Variants in TACC3 observed in about 807,000 individuals in gnomAD.
TACC3 encodes the protein transforming acidic coiled-coil containing protein 3, also known as transforming acidic coiled-coil-containing protein 3.
TACC3 carries 52 observed loss-of-function variants against 86.0 expected under a neutral mutation model. The ratio of observed to expected loss-of-function variants is 0.60; its 90% CI spans 0.48 to 0.76. TACC3 has a LOEUF of 0.76. Among genes scored for constraint, TACC3 ranks in the 30% least tolerant of loss-of-function variants. TACC3 has a pLI of 0.00. For synonymous variants in TACC3, 512 were observed against 430.0 expected, an observed-to-expected ratio of 1.19 and a Z score of -2.36; for missense variants, 1,120 against 1,070.4, an observed-to-expected ratio of 1.05 and a Z score of -0.65.
upstream of TACC3, chr4:1,720,690 G>A (rs1028150396): frequency 3.9e-6 from 6 of 1,552,560 alleles, no homozygotes; most frequent in African/African-American, 1.4e-5. The surrounding 1 kb of genome is among the most constrained non-coding windows in gnomAD (Gnocchi z 4.4). Context: ...AAGTGGAAGG[G>A]CACGAAGGCG....
At chr4:1,744,869 C>A (rs532644764) in intron 15 of TACC3, 37 bp downstream of exon 15, 5 of 1,612,660 alleles carry the variant, frequency 3.1e-6, no homozygotes, top group Admixed American at 1.7e-5. Context: ...GGCCGTCTGG[C>A]AGCACCTTCT....
rs1717723999 is a variant in TACC3 at position 1,727,079 on chromosome 4, C to T, written c.306-629C>T. Among the ~76,000 whole-genome samples, 5 of 151,364 alleles carry T rather than the reference C, an allele frequency of 3.3e-5. No homozygotes were observed. The South Asian group carries it at 8.3e-4, about 25-fold the overall frequency. On this transcript the variant is annotated intron_variant, in intron 3 of 15. Coordinates refer to ENST00000313288, the MANE Select transcript of TACC3 (RefSeq NM_006342.3). ...CCCAGAGGTGGAGGTTGCAGTGAGC[C>T]GAGATCATGCCATTACACTCCAGCC... is the stretch of plus-strand genomic sequence containing the variant.
chr4:1,740,640 T>C (rs887882773), intron 12 of TACC3, 186 bp from the exon 13 acceptor site: 1 of 573,062 alleles, frequency 1.7e-6, no homozygotes, highest in Non-Finnish European at 3.1e-6. Flanking sequence ...GAAACAGCTG[T>C]TTCCTGGGCT....
chr4:1,733,500 C>CTT (rs138425686), intron 6 of TACC3, among the ~76,000 whole-genome samples: 3 of 110,622 alleles, frequency 2.7e-5, no homozygotes, highest in Non-Finnish European at 3.8e-5. Context: ...CAAAAAAAAC[C>CTT]TTTTTTTTTA....
chr4:1,731,343 G>T, intron 6 of TACC3, 42 bp downstream of exon 6: 1 of 1,599,588 alleles, frequency 6.3e-7, no homozygotes, highest in Non-Finnish European at 8.5e-7. Flanking sequence ...TCTGCCCGGA[G>T]GGGATCCCGT....
At chr4:1,731,453 G>T in intron 6 of TACC3, 152 bp downstream of exon 6, 1 of 893,050 alleles carries the variant, frequency 1.1e-6, no homozygotes, top group Non-Finnish European at 1.7e-6. Context: ...CAAACTTGTG[G>T]TTTGTCAAAA....
Position 1,729,572 on chromosome 4 carries a change from C to T in TACC3, c.1385+785C>T, listed in dbSNP as rs535958988. On this transcript the variant is annotated intron_variant, in intron 4 of 15. Transcript: ENST00000313288. ...CAAGGCGGAGAGAGAGGACAGCTGA[C>T]GCCATTATTTTTTCTATGTATTTCA... Among the ~76,000 whole-genome samples, 359 of 152,250 alleles carry T rather than the reference C, an allele frequency of 2.4e-3. 6 individuals are homozygous for T. Among genetic ancestry groups the T allele is most frequent in the Non-Finnish European group, 6.8e-4 (46 of 68,028 alleles).
rs1455727630 is a variant in TACC3 at position 1,724,014 on chromosome 4, G to C, written c.305+144G>C. The C allele has an allele frequency of 6.6e-6, 6 of 908,680 alleles. No homozygotes were observed. In the African/African-American group the frequency reaches 8.3e-5, roughly 13 times the overall value. The allele number at this position is 908,680 out of a possible 1,614,324, so 56.3% of individuals were successfully genotyped here. A position where few individuals can be genotyped will look rare whatever the true frequency, so the allele number is the denominator to read the frequency against. ...GATGGAGTCTCGCTCTGTTGCCCAC[G>C]CTGGAGTGCAGTGGCGCGATGTCCG... On this transcript the variant is annotated intron_variant, in intron 3 of 15. Transcript: ENST00000313288.
At chr4:1,729,244 C>T (rs1717881693) in intron 4 of TACC3, among the ~76,000 whole-genome samples, 2 of 152,094 alleles carry the variant, frequency 1.3e-5, no homozygotes, top group Non-Finnish European at 2.9e-5. Context: ...TAGAGTTGCT[C>T]AGTGGGAGAT....
chr4:1,737,103 C>T (rs368730517), intron 8 of TACC3, 138 bp from the exon 9 acceptor site: 51 of 675,600 alleles, frequency 7.5e-5, no homozygotes, highest in East Asian at 1.3e-4. Flanking sequence ...TGCGGGTCTG[C>T]GTTTTCTACC....
chr4:1,736,546 C>T (rs1226491362), intron 8 of TACC3, among the ~76,000 whole-genome samples: 1 of 151,896 alleles, frequency 6.6e-6, no homozygotes, highest in Non-Finnish European at 1.5e-5. Flanking sequence ...CGTTCCTTTG[C>T]AAATTGTGGC....
intron 13 of TACC3, among the ~76,000 whole-genome samples, chr4:1,742,850 C>T (rs181004889): frequency 2.7e-4 from 41 of 151,632 alleles, no homozygotes; most frequent in African/African-American, 9.4e-4. Flanking sequence ...CACCTATAGT[C>T]CCAGCTACTC....
chr4:1,724,000 G>T (rs1018459452), intron 3 of TACC3, 130 bp downstream of exon 3: 3 of 1,046,812 alleles, frequency 2.9e-6, no homozygotes, highest in South Asian at 3.1e-5. Context: ...ATGGAGTCTC[G>T]CTCTGTTGCC....
intron 9 of TACC3, 82 bp downstream of exon 9, chr4:1,737,410 C>T (rs1257340188): frequency 3.0e-5 from 42 of 1,392,712 alleles, no homozygotes; most frequent in Non-Finnish European, 3.8e-5. Context: ...TTTTCTATTC[C>T]TGGGGGTCTG....
intron 6 of TACC3, among the ~76,000 whole-genome samples, chr4:1,732,048 T>G (rs569152893): frequency 4.5e-4 from 68 of 152,268 alleles, no homozygotes; most frequent in African/African-American, 1.6e-3. Context: ...TCCATAAGAT[T>G]GGAGGCTGCA....
chr4:1,728,838 G>A (rs908253071), intron 4 of TACC3, 51 bp downstream of exon 4: 31 of 1,526,496 alleles, frequency 2.0e-5, no homozygotes, highest in South Asian at 8.7e-5. Flanking sequence ...CTGCCCTGCA[G>A]TGTATGTGGT....
chr4:1,723,333 G>A (rs1313306998), intron 1 of TACC3, 88 bp from the exon 2 acceptor site: 10 of 1,392,960 alleles, frequency 7.2e-6, no homozygotes, highest in South Asian at 1.3e-5. Context: ...GGAAGTGGTC[G>A]TGCCCCTTGC....
intron 10 of TACC3, among the ~76,000 whole-genome samples, chr4:1,739,124 C>T (rs142688733): frequency 0.011 from 1,676 of 152,184 alleles, 16 homozygotes; most frequent in Middle Eastern, 0.02. Context: ...CTGGCTAACA[C>T]GGTGAAACCC....
At chr4:1,729,790 C>G (rs1717906922) in intron 4 of TACC3, among the ~76,000 whole-genome samples, 1 of 152,118 alleles carries the variant, frequency 6.6e-6, no homozygotes, top group African/African-American at 2.4e-5. Flanking sequence ...TTCTCTAACT[C>G]CCCCAGGGAA....
Sources: gnomAD v4.1 joint callset for allele counts (sites outside exome capture counted in the v4.1 genomes callset) on GRCh38, gnomAD v4.1.1 for gene constraint, Gnocchi (gnomAD v3.1) non-coding constraint, MANE v1.5 for transcripts, NCBI Gene and HGNC (gene_info 2026-07-23, HGNC 2026-07-21) for gene names.